BACH2: variants seen among roughly 807,000 people sequenced by gnomAD.
BACH2 encodes BACH transcriptional regulator 2.
Under a neutral mutation model 61.8 loss-of-function variants are expected in BACH2, and 5 were observed. That is an observed-to-expected ratio of 0.08 (90% CI 0.04 to 0.17). The LOEUF (loss-of-function observed/expected upper bound fraction) is 0.17, where lower values mean the gene tolerates loss of function less well. BACH2 is among the 10% of genes least tolerant of loss of function. BACH2 has a pLI of 1.00. For synonymous variants in BACH2, 446 were observed against 440.1 expected, an observed-to-expected ratio of 1.01 and a Z score of -0.17; for missense variants, 824 against 1,091.1, an observed-to-expected ratio of 0.76 and a Z score of 3.45.
intron 4 of BACH2, among the ~76,000 whole-genome samples, chr6:90,122,368 G>A (rs1316684045): frequency 1.3e-4 from 20 of 152,154 alleles, no homozygotes; most frequent in Admixed American, 1.3e-3. Flanking sequence ...GGCAGTCTCA[G>A]AATCAAACCC....
At chr6:89,954,285 TCA>T (rs1174628158) in intron 6 of BACH2, among the ~76,000 whole-genome samples, 5 of 143,518 alleles carry the variant, frequency 3.5e-5, no homozygotes, top group African/African-American at 5.1e-5. Context: ...TTTATACTGT[TCA>T]CACAGTTTTT....
chr6:90,073,547 T>C (rs962679352), intron 5 of BACH2, among the ~76,000 whole-genome samples: 5 of 152,204 alleles, frequency 3.3e-5, no homozygotes, highest in African/African-American at 9.6e-5. Flanking sequence ...GTCAGCTCAA[T>C]GAAACACCTT....
At chr6:90,089,265 G>C (rs1420953494) in intron 4 of BACH2, among the ~76,000 whole-genome samples, 156 bp from the exon 5 acceptor site, 2 of 151,954 alleles carry the variant, frequency 1.3e-5, no homozygotes, top group Admixed American at 1.3e-4. Context: ...CAATCCTCAT[G>C]AACAGAATAA....
At chr6:90,128,957 C>G (rs1783984353) in intron 4 of BACH2, among the ~76,000 whole-genome samples, 1 of 151,944 alleles carries the variant, frequency 6.6e-6, no homozygotes, top group Non-Finnish European at 1.5e-5. Flanking sequence ...CAAACTATCG[C>G]AAGGGCAAAA....
intron 5 of BACH2, among the ~76,000 whole-genome samples, chr6:90,030,807 C>T (rs1778935260): frequency 6.6e-6 from 1 of 151,926 alleles, no homozygotes; most frequent in Non-Finnish European, 1.5e-5. Flanking sequence ...CCTTCTGAAA[C>T]TATTCCAATC....
chr6:90,011,705 G>A (rs1387677334), intron 5 of BACH2, among the ~76,000 whole-genome samples: 4 of 151,866 alleles, frequency 2.6e-5, no homozygotes, highest in South Asian at 2.1e-4. Context: ...GGCAGGTTAC[G>A]AGGTCAGGAG....
chr6:89,982,924 C>G (rs1467721158), intron 6 of BACH2, among the ~76,000 whole-genome samples: 1 of 152,128 alleles, frequency 6.6e-6, no homozygotes, highest in Non-Finnish European at 1.5e-5. Context: ...GAATGTTTTT[C>G]ATTTTGATGA....
intron 3 of BACH2, among the ~76,000 whole-genome samples, chr6:90,232,358 G>A (rs1309113200): frequency 1.3e-5 from 2 of 152,286 alleles, no homozygotes; most frequent in East Asian, 3.9e-4. Context: ...GATCTCTCTT[G>A]AAATTCCCTT....
At chr6:90,236,195 A>G (rs1770254994) in intron 3 of BACH2, among the ~76,000 whole-genome samples, 1 of 152,244 alleles carries the variant, frequency 6.6e-6, no homozygotes, top group Non-Finnish European at 1.5e-5. Flanking sequence ...ACATTTATTG[A>G]GCACCACCTA....
chr6:90,152,608 T>C lies in BACH2; in HGVS notation c.-162+53961A>G, dbSNP rs115202433. 5.4e-3 allele frequency among the ~76,000 whole-genome samples: 819 copies of C among 152,336 alleles called. 8 individuals carry two copies. The highest frequency in any genetic ancestry group is 0.019 in the African/African-American group (777 of 41,580). ...TTTTACTTTTTAAAAATCATTTTCA[T>C]TGAAAGTCTTGAATGTAGCATAGCA... On this transcript the variant is annotated intron_variant, in intron 4 of 8. Transcript: ENST00000257749.
chr6:90,132,121 T>G (rs888324280), intron 4 of BACH2, among the ~76,000 whole-genome samples: 12 of 152,166 alleles, frequency 7.9e-5, no homozygotes, highest in Non-Finnish European at 1.5e-5. Flanking sequence ...TACAACAATG[T>G]GGTAGATGTT....
At chr6:90,144,434 G>C (rs1784554987) in intron 4 of BACH2, among the ~76,000 whole-genome samples, 1 of 152,200 alleles carries the variant, frequency 6.6e-6, no homozygotes, top group African/African-American at 2.4e-5. Context: ...AGAAGAGCTG[G>C]AAGAGACAGA....
chr6:89,951,421 G>T lies in BACH2; in HGVS notation c.685C>A (p.Pro229Thr). 1 of 1,614,212 alleles carries T rather than the reference G, an allele frequency of 6.2e-7. No homozygotes were observed. The highest frequency in any genetic ancestry group is 8.5e-7 in the Non-Finnish European group (1 of 1,180,034). ...GCAAGCTGGTATTTCTTGTATCTGG[G>T]GTACTGCGTTAACGCGTCCTTTTCT... ...SSEKDALTQY[P>T]RYKKYQLACT... Residue 229 changes from proline to threonine, a missense_variant, in exon 7 of 9, where the codon CCC (proline) becomes ACC (threonine). Physicochemically the swap from Pro to Thr is conservative, Grantham distance 38. Coordinates refer to ENST00000257749, the MANE Select transcript of BACH2 (RefSeq NM_021813.4). This position sits in a 1 kb window ranked among gnomAD's most constrained non-coding sequence, Gnocchi z 6.4.
chr6:89,943,702 AT>A (rs1170863243), intron 7 of BACH2, among the ~76,000 whole-genome samples: 3 of 152,190 alleles, frequency 2.0e-5, no homozygotes, highest in Non-Finnish European at 4.4e-5. Flanking sequence ...GTAGCTGCAA[AT>A]TTTGCAGAAA....
intron 4 of BACH2, among the ~76,000 whole-genome samples, chr6:90,091,105 T>C (rs1206586171): frequency 1.3e-5 from 2 of 152,206 alleles, no homozygotes; most frequent in African/African-American, 2.4e-5. Context: ...AATAAGTTTG[T>C]AGGAATTTGG....
intron 1 of BACH2, among the ~76,000 whole-genome samples, 171 bp downstream of exon 1, chr6:90,296,309 A>G (rs1408317636): frequency 1.3e-5 from 2 of 151,362 alleles, no homozygotes; most frequent in East Asian, 2.0e-4. Context: ...AGAAAATGCC[A>G]TAAAAGCGGG....
chr6:90,083,840 A>G lies in BACH2; in HGVS notation c.-13+5121T>C, dbSNP rs187712923. The stretch of plus-strand genomic sequence containing the variant: ...AAACCTCAGTTAATTAGACTATTTG[A>G]GGACAAGAATATTTTTTATTATTTT... On this transcript the variant is annotated intron_variant, in intron 5 of 8. Coordinates refer to ENST00000257749, the MANE Select transcript of BACH2 (RefSeq NM_021813.4). 3.4e-4 allele frequency among the ~76,000 whole-genome samples: 52 copies of G among 152,342 alleles called. 1 individual carries two copies. The highest frequency in any genetic ancestry group is 1.2e-3 in the African/African-American group (51 of 41,586).
chr6:90,222,569 A>G (rs888129876), intron 3 of BACH2, among the ~76,000 whole-genome samples: 2 of 152,186 alleles, frequency 1.3e-5, no homozygotes, highest in South Asian at 4.1e-4. Context: ...TGTATTTAAT[A>G]TGAAGTTTCA....
chr6:90,142,088 A>AT (rs879798494), intron 4 of BACH2, among the ~76,000 whole-genome samples: 131 of 152,042 alleles, frequency 8.6e-4, no homozygotes, highest in Non-Finnish European at 1.6e-3. Context: ...CTCAAAAAAA[A>AT]TTTTTTTTTA....
Sources: gnomAD v4.1 joint callset for allele counts (sites outside exome capture counted in the v4.1 genomes callset) on GRCh38, gnomAD v4.1.1 for gene constraint, Gnocchi (gnomAD v3.1) non-coding constraint, MANE v1.5 for transcripts, NCBI Gene and HGNC (gene_info 2026-07-23, HGNC 2026-07-21) for gene names.